ZNF334: variants seen among roughly 807,000 people sequenced by gnomAD.
The protein encoded by ZNF334 is zinc finger protein 334.
Under a neutral mutation model 12.4 loss-of-function variants are expected in ZNF334, and 14 were observed. The observed-to-expected ratio is 1.13, with a 90% CI of 0.74 to 1.76. ZNF334 has a LOEUF of 1.76. Ranked by LOEUF, ZNF334 falls within the 40% of genes most tolerant of loss-of-function variation. The pLI, the probability that ZNF334 is intolerant of heterozygous loss-of-function variation, is 0.00. For synonymous variants in ZNF334, 273 were observed against 269.6 expected, an observed-to-expected ratio of 1.01 and a Z score of -0.12; for missense variants, 797 against 804.5, an observed-to-expected ratio of 0.99 and a Z score of 0.11.
chr20:46,481,608 C>G, the ZNF334 span, among the ~76,000 whole-genome samples: 2 of 152,142 alleles, frequency 1.3e-5, no homozygotes, highest in African/African-American at 4.8e-5. Flanking sequence ...GGAGCAATGG[C>G]TTAACTTGCT....
chr20:46,480,629 C>T, the ZNF334 span, among the ~76,000 whole-genome samples: 2 of 152,170 alleles, frequency 1.3e-5, no homozygotes, highest in Admixed American at 6.5e-5. Flanking sequence ...CCTGCATTCC[C>T]CAATCCTTCC....
At chr20:46,509,487 G>A (rs2061563307) in intron 2 of ZNF334, 1 of 679,858 alleles carries the variant, frequency 1.5e-6, no homozygotes, top group Admixed American at 2.0e-5. Flanking sequence ...TTCCTCAGCA[G>A]GAGCATGGGG....
At chr20:46,506,132 G>C (rs2061422133) in intron 2 of ZNF334, 1 of 389,662 alleles carries the variant, frequency 2.6e-6, no homozygotes. Flanking sequence ...AGTGTCTGTT[G>C]AGTAAAGAAG....
the ZNF334 span, among the ~76,000 whole-genome samples, chr20:46,463,124 G>A: frequency 6.6e-6 from 1 of 152,300 alleles, no homozygotes; most frequent in East Asian, 1.9e-4. Flanking sequence ...GTGCATGCCT[G>A]CAGTCCCAGC....
Position 46,506,394 on chromosome 20 carries a change from G to C in ZNF334, c.22-1654C>G. The stretch of plus-strand genomic sequence containing the variant: ...TAATCCCAGCACTCTGAGAGGTTGA[G>C]GTAGGCTGATCGCTGGAGCTCAGAA... On this transcript the variant is annotated intron_variant, in intron 2 of 4. Transcript: ENST00000692313. 4 of 516,646 alleles carry C rather than the reference G, an allele frequency of 7.7e-6. No individual in the cohort carries two copies. The South Asian group carries it at 1.1e-4, about 15-fold the overall frequency. The allele number at this position is 516,646 out of a possible 1,614,324, so 32.0% of individuals were successfully genotyped here.
At chr20:46,463,602 TG>T in the ZNF334 span, 1 of 177,012 alleles carries the variant, frequency 5.6e-6, no homozygotes, top group South Asian at 1.4e-4. Flanking sequence ...AAACACAATC[TG>T]GTTGAAAACA....
chr20:46,465,257 C>A, the ZNF334 span: 1 of 177,246 alleles, frequency 5.6e-6, no homozygotes. Context: ...GTTCTGGGAG[C>A]TGCAGCCTCC....
At chr20:46,475,765 G>GT in the ZNF334 span, among the ~76,000 whole-genome samples, 3 of 152,154 alleles carry the variant, frequency 2.0e-5, no homozygotes, top group Non-Finnish European at 2.9e-5. Context: ...ATAAAAAACA[G>GT]TAACACCACT....
At chr20:46,474,328 C>T in the ZNF334 span, among the ~76,000 whole-genome samples, 1 of 150,492 alleles carries the variant, frequency 6.6e-6, no homozygotes, top group Admixed American at 6.6e-5. Context: ...TGCAGTGAGC[C>T]AAGACCATGC....
At chr20:46,488,419 T>TTATATATATATATATATATATATA in the ZNF334 span, among the ~76,000 whole-genome samples, 360 of 102,046 alleles carry the variant, frequency 3.5e-3, 4 homozygotes, top group African/African-American at 4.8e-3. Context: ...AGCTCTTATT[T>TTATATATATATATATATATATATA]TATATATATA....
chr20:46,503,146 T>G, intron 4 of ZNF334, 49 bp from the exon 5 acceptor site: 1 of 1,511,754 alleles, frequency 6.6e-7, no homozygotes, highest in Non-Finnish European at 8.8e-7. Flanking sequence ...TTTATATGTT[T>G]GCTATGAAAT....
chr20:46,472,799 A>T, the ZNF334 span, among the ~76,000 whole-genome samples: 2 of 152,240 alleles, frequency 1.3e-5, no homozygotes, highest in Admixed American at 6.5e-5. Context: ...GATTGCCCTG[A>T]CTGCACGGGG....
chr20:46,504,432 A>G, intron 3 of ZNF334, 126 bp from the exon 4 acceptor site: 1 of 1,135,760 alleles, frequency 8.8e-7, no homozygotes, highest in East Asian at 2.5e-5. Context: ...GTAAAGCTAG[A>G]ACATTTTGGT....
At chr20:46,471,234 A>G in the ZNF334 span, among the ~76,000 whole-genome samples, 1 of 152,102 alleles carries the variant, frequency 6.6e-6, no homozygotes, top group South Asian at 2.1e-4. Flanking sequence ...CACCTTTTCT[A>G]TACCTATTGT....
chr20:46,502,572 T>C lies in ZNF334; in HGVS notation c.767A>G (p.Gln256Arg). 6.2e-7 allele frequency: 1 copy of C among 1,613,964 alleles called. No homozygotes were observed. The highest frequency in any genetic ancestry group is 8.5e-7 in the Non-Finnish European group (1 of 1,179,978). ...FSKRSTLIVH[Q>R]RIHTGEKPYV... ...CGGTTTCTCCCCTGTATGAATTCTC[T>C]GATGTACAATGAGGGTAGATCTCTT... Residue 256 changes from glutamine to arginine, a missense_variant, in exon 5 of 5, where the codon CAG (glutamine) becomes CGG (arginine). Gln to Arg is a conservative substitution (Grantham distance 43). Coordinates refer to ENST00000692313, the MANE Select transcript of ZNF334 (RefSeq NM_001353824.2).
At chr20:46,465,951 CT>C in the ZNF334 span, among the ~76,000 whole-genome samples, 4 of 148,924 alleles carry the variant, frequency 2.7e-5, no homozygotes, top group African/African-American at 7.5e-5. Flanking sequence ...GAAACTCCGT[CT>C]AAAAAAAAAA....
At chr20:46,512,053 T>C (rs752149950) in intron 2 of ZNF334, 29 bp downstream of exon 2, 62 of 1,610,580 alleles carry the variant, frequency 3.8e-5, no homozygotes, top group South Asian at 2.6e-4. Context: ...CACTGTATAA[T>C]GTGAGAAGTA....
the ZNF334 span, among the ~76,000 whole-genome samples, chr20:46,486,476 T>C: frequency 1.3e-5 from 2 of 152,242 alleles, no homozygotes; most frequent in African/African-American, 2.4e-5. Flanking sequence ...GCTGCACTCT[T>C]ATTTAAACAG....
the ZNF334 span, among the ~76,000 whole-genome samples, chr20:46,482,585 C>T: frequency 1.3e-3 from 190 of 151,864 alleles, no homozygotes; most frequent in African/African-American, 4.1e-3. Context: ...TTTTAAAGAC[C>T]TTTTTAATCA....
Sources: allele counts gnomAD v4.1 joint callset (sites outside exome capture counted in the v4.1 genomes callset), GRCh38; gene constraint gnomAD v4.1.1; transcripts MANE v1.5; gene names NCBI Gene and HGNC (gene_info 2026-07-23, HGNC 2026-07-21).